FAM222A: variants seen among roughly 807,000 people sequenced by gnomAD.
FAM222A encodes family with sequence similarity 222 member A.
Under a neutral mutation model 25.8 loss-of-function variants are expected in FAM222A, and 7 were observed. The observed-to-expected ratio is 0.27, with a 90% CI of 0.15 to 0.51. FAM222A has a LOEUF of 0.51. Among genes scored for constraint, FAM222A ranks in the 20% least tolerant of loss-of-function variants. The pLI is 0.97. For missense variants in FAM222A, 573 were observed against 640.5 expected (o/e 0.89, Z 1.14); for synonymous variants, 294 against 298.8 (o/e 0.98, Z 0.17).
chr12:109,738,262 TTC>T (rs1243361039), intron 1 of FAM222A, among the ~76,000 whole-genome samples: 2 of 152,192 alleles, frequency 1.3e-5, no homozygotes, highest in African/African-American at 4.8e-5. Context: ...GGTCTGGACT[TTC>T]TGAGGCTTTC....
intron 1 of FAM222A, among the ~76,000 whole-genome samples, chr12:109,720,402 G>A (rs1285901936): frequency 6.6e-6 from 1 of 152,248 alleles, no homozygotes; most frequent in African/African-American, 2.4e-5. Flanking sequence ...CGCTGCCAGG[G>A]CACGGGCAGC....
At position 109,768,882 on chromosome 12, in the gene FAM222A, G is replaced by T. The variant is rs1361399784; in HGVS notation, c.953G>T (p.Gly318Val). The change falls in exon 3 of 3, where the codon GGC (glycine) becomes GTC (valine). Residue 318 changes from glycine to valine, a missense_variant. Gly to Val is a moderately radical substitution (Grantham distance 109). This residue lies in a region of FAM222A where 412 missense variants were observed against 407.0 expected (regional missense o/e 1.01). Transcript: ENST00000538780. ...VASKSPEACG[G>V]RAYERASGSP... is the part of the protein sequence containing the mutation. ...AGCAAGTCCCCTGAGGCTTGCGGGG[G>T]CCGGGCATACGAGCGGGCCAGCGGG... 3 of 1,582,518 alleles carry T rather than the reference G, an allele frequency of 1.9e-6. No individual in the cohort carries two copies. The highest frequency in any genetic ancestry group is 2.7e-5 in the African/African-American group (2 of 74,498).
intron 2 of FAM222A, among the ~76,000 whole-genome samples, chr12:109,759,878 G>C (rs772811212): frequency 6.6e-6 from 1 of 152,198 alleles, no homozygotes; most frequent in Non-Finnish European, 1.5e-5. Flanking sequence ...TAGATGTCAG[G>C]GTGGTGAGAA....
intron 1 of FAM222A, among the ~76,000 whole-genome samples, chr12:109,735,164 G>A (rs971904154): frequency 1.1e-4 from 17 of 152,168 alleles, no homozygotes; most frequent in African/African-American, 3.4e-4. Flanking sequence ...GGGCCACTGC[G>A]TCTTCTAAAC....
chr12:109,733,682 G>T (rs1888004229), intron 1 of FAM222A, among the ~76,000 whole-genome samples: 1 of 152,176 alleles, frequency 6.6e-6, no homozygotes, highest in Middle Eastern at 3.2e-3. Flanking sequence ...GGGATTACAG[G>T]TGTGAGCCAC....
chr12:109,762,863 G>C (rs925853236), intron 2 of FAM222A, among the ~76,000 whole-genome samples: 1 of 152,100 alleles, frequency 6.6e-6, no homozygotes, highest in Non-Finnish European at 1.5e-5. Context: ...GCCAGGCCAG[G>C]CTTCAGACAG....
At chr12:109,727,759 A>T (rs1044742457) in intron 1 of FAM222A, among the ~76,000 whole-genome samples, 3 of 151,822 alleles carry the variant, frequency 2.0e-5, no homozygotes, top group Admixed American at 1.3e-4. Context: ...TAAGGTGCTC[A>T]CTCCCCAGGG....
At chr12:109,765,967 A>G (rs1889037312) in intron 2 of FAM222A, among the ~76,000 whole-genome samples, 1 of 152,246 alleles carries the variant, frequency 6.6e-6, no homozygotes, top group Non-Finnish European at 1.5e-5. Context: ...GGGAAGTAGT[A>G]TTAGCAGTAG....
rs1032918118 is a variant in FAM222A, at chr12:109,756,776, A to C, written c.83-11236A>C. On this transcript the variant is annotated intron_variant, in intron 2 of 2. Coordinates refer to ENST00000538780, the MANE Select transcript of FAM222A (RefSeq NM_032829.3). Reference sequence around the variant, plus strand: ...TAGTATTTTGTTGGTTTTTGCATCTATATTCATAATGGCTATATGGTCCAT... The same window carrying C: ...TAGTATTTTGTTGGTTTTTGCATCTCTATTCATAATGGCTATATGGTCCAT... Among the ~76,000 whole-genome samples, 13 of 152,166 alleles carry C rather than the reference A, an allele frequency of 8.5e-5. 1 individual carries two copies. The highest frequency in any genetic ancestry group is 5.9e-4 in the Admixed American group (9 of 15,280).
At chr12:109,745,560 T>C (rs1173929857) in intron 2 of FAM222A, among the ~76,000 whole-genome samples, 1 of 152,260 alleles carries the variant, frequency 6.6e-6, no homozygotes, top group Non-Finnish European at 1.5e-5. Flanking sequence ...ATACCTCACA[T>C]TGTGGTGTGA....
intron 2 of FAM222A, among the ~76,000 whole-genome samples, chr12:109,767,370 A>G (rs1467056112): frequency 2.0e-5 from 3 of 152,284 alleles, no homozygotes; most frequent in Admixed American, 2.0e-4. Context: ...TCTGCAAAAA[A>G]TACAAAAATT....
intron 1 of FAM222A, chr12:109,743,872 T>G: frequency 1.0e-6 from 1 of 985,340 alleles, no homozygotes; most frequent in Non-Finnish European, 1.2e-6. Flanking sequence ...GATCCATCAG[T>G]CCAGCCCCCA....
At chr12:109,719,665 A>G (rs972511395) in intron 1 of FAM222A, among the ~76,000 whole-genome samples, 2 of 151,980 alleles carry the variant, frequency 1.3e-5, no homozygotes, top group African/African-American at 4.8e-5. Flanking sequence ...CCCAGCATGG[A>G]GTAAATGGGG....
At chr12:109,728,124 G>C (rs1887876893) in intron 1 of FAM222A, among the ~76,000 whole-genome samples, 1 of 152,214 alleles carries the variant, frequency 6.6e-6, no homozygotes, top group Non-Finnish European at 1.5e-5. Flanking sequence ...GGCCACACAA[G>C]CATAGGCTGG....
intron 2 of FAM222A, among the ~76,000 whole-genome samples, chr12:109,749,850 A>C (rs1057199393): frequency 6.6e-6 from 1 of 152,214 alleles, no homozygotes; most frequent in African/African-American, 2.4e-5. Context: ...CCAGGATTCA[A>C]CTTTATCTGT....
chr12:109,720,535 C>A (rs1887728401), intron 1 of FAM222A, among the ~76,000 whole-genome samples: 1 of 152,254 alleles, frequency 6.6e-6, no homozygotes, highest in Non-Finnish European at 1.5e-5. Flanking sequence ...CTGCAGATCT[C>A]CGTCTCTTCA....
intron 1 of FAM222A, among the ~76,000 whole-genome samples, chr12:109,725,505 G>A (rs1043052583): frequency 8.1e-5 from 12 of 148,026 alleles, no homozygotes; most frequent in African/African-American, 2.7e-4. Context: ...GCCAGCAGCC[G>A]GGCCCCGAGC....
intron 1 of FAM222A, among the ~76,000 whole-genome samples, chr12:109,742,496 G>A (rs1026506499): frequency 6.6e-6 from 1 of 152,212 alleles, no homozygotes; most frequent in East Asian, 1.9e-4. Flanking sequence ...AATCAAAGCC[G>A]GGAAGTGGAT....
chr12:109,734,342 G>A (rs1244589424), intron 1 of FAM222A: 2 of 152,318 alleles, frequency 1.3e-5, no homozygotes, highest in Admixed American at 6.5e-5. Flanking sequence ...GGGGCACAGG[G>A]ACGGGCAGGA....
Sources: allele counts gnomAD v4.1 joint callset (sites outside exome capture counted in the v4.1 genomes callset), GRCh38; gene constraint gnomAD v4.1.1; regional missense constraint gnomAD v4.1.1; transcripts MANE v1.5; gene names NCBI Gene and HGNC (gene_info 2026-07-23, HGNC 2026-07-21).